SPINK8: variants seen among roughly 807,000 people sequenced by gnomAD.
The protein encoded by SPINK8 is serine protease inhibitor Kazal-type 8.
A neutral mutation model predicts 14.4 loss-of-function variants in SPINK8; 12 were observed. The ratio of observed to expected loss-of-function variants is 0.83; its 90% CI spans 0.53 to 1.35. The LOEUF is 1.35. Ranked by LOEUF, SPINK8 falls within the 40% of genes most tolerant of loss-of-function variation. The pLI, the probability that SPINK8 is intolerant of heterozygous loss-of-function variation, is 0.00. For missense variants in SPINK8, 103 were observed against 117.0 expected, an observed-to-expected ratio of 0.88 and a Z score of 0.55; for synonymous variants, 32 against 37.6, an observed-to-expected ratio of 0.85 and a Z score of 0.55.
At chr3:48,326,651 G>T (rs1445216284) in intron 4 of SPINK8, among the ~76,000 whole-genome samples, 7 of 151,706 alleles carry the variant, frequency 4.6e-5, no homozygotes, top group Admixed American at 4.6e-4. Context: ...GCTCATGCCT[G>T]TAATCTCAGC....
At chr3:48,328,550 T>C (rs1015876289) in intron 3 of SPINK8, among the ~76,000 whole-genome samples, 196 bp from the exon 4 acceptor site, 1 of 151,938 alleles carries the variant, frequency 6.6e-6, no homozygotes, top group Admixed American at 6.5e-5. Context: ...GAAAAAAAAA[T>C]CTTAAAAACA....
At chr3:48,327,544 G>A (rs11130164) in intron 4 of SPINK8, among the ~76,000 whole-genome samples, 32,777 of 152,136 alleles carry the variant, frequency 0.22, 4,352 homozygotes, top group South Asian at 0.3. Flanking sequence ...GGAGGCTGAT[G>A]CCAATGGCTG....
intron 3 of SPINK8, among the ~76,000 whole-genome samples, chr3:48,328,747 G>T (rs1186696444): frequency 6.6e-6 from 1 of 152,110 alleles, no homozygotes; most frequent in Non-Finnish European, 1.5e-5. Context: ...GACCAGCCTG[G>T]GCAACATAGC....
intron 5 of SPINK8, among the ~76,000 whole-genome samples, chr3:48,320,543 G>A (rs144816949): frequency 2.8e-4 from 42 of 150,854 alleles, no homozygotes; most frequent in Non-Finnish European, 5.2e-4. Context: ...GCAAGACTCC[G>A]TCTCAAAAAA....
intron 3 of SPINK8, among the ~76,000 whole-genome samples, chr3:48,328,573 A>G (rs1406683418): frequency 6.6e-6 from 1 of 152,258 alleles, no homozygotes; most frequent in Non-Finnish European, 1.5e-5. Flanking sequence ...ATTTTAGAAG[A>G]TGCCAGAAAA....
rs2035899678 is a variant in SPINK8, at chr3:48,309,816, A to G, written c.282+88T>C. ...TTATGTATGTTTGAAAATGTTCATA[A>G]CAAAACATTTAAAACCCTCTAAAAC... On this transcript the variant is annotated intron_variant, in intron 7 of 7. Transcript: ENST00000434006. 1.2e-5 allele frequency: 17 copies of G among 1,368,446 alleles called. No individual in the cohort carries two copies. The South Asian group carries it at 2.7e-4, about 22-fold the overall frequency. 84.8% of individuals were successfully genotyped at this position (1,368,446 alleles called of 1,614,324 possible). A position where few individuals can be genotyped will look rare whatever the true frequency, so the allele number is the denominator to read the frequency against.
chr3:48,311,344 C>T (rs1314377240), intron 6 of SPINK8, among the ~76,000 whole-genome samples: 1 of 152,062 alleles, frequency 6.6e-6, no homozygotes, highest in Non-Finnish European at 1.5e-5. Context: ...GACATGAATA[C>T]CTGCTTTCAC....
chr3:48,319,331 T>C (rs960754841), intron 6 of SPINK8, among the ~76,000 whole-genome samples, 166 bp downstream of exon 6: 1 of 152,194 alleles, frequency 6.6e-6, no homozygotes, highest in African/African-American at 2.4e-5. Flanking sequence ...ATGTACCTTT[T>C]GAGGTCACAG....
chr3:48,310,495 AATTTT>A (rs2035911078), intron 6 of SPINK8, among the ~76,000 whole-genome samples: 3 of 147,288 alleles, frequency 2.0e-5, no homozygotes, highest in Non-Finnish European at 4.5e-5. Flanking sequence ...CCAAAAAAAA[AATTTT>A]TTTTTTTTTT....
intron 6 of SPINK8, among the ~76,000 whole-genome samples, chr3:48,315,720 CAAAAAAAAAAA>C (rs66504818): frequency 1.4e-4 from 3 of 21,940 alleles, no homozygotes; most frequent in Non-Finnish European, 2.9e-4. Flanking sequence ...GACTCCATCT[CAAAAAAAAAAA>C]AAAAAAAAAA....
intron 4 of SPINK8, among the ~76,000 whole-genome samples, chr3:48,326,916 A>C (rs1423318895): frequency 1.3e-5 from 2 of 152,144 alleles, no homozygotes; most frequent in African/African-American, 4.8e-5. Context: ...CTCAAAAAAA[A>C]AAAAAAGTGT....
chr3:48,329,427 A>C (rs756742511), intron 2 of SPINK8, among the ~76,000 whole-genome samples, 153 bp from the exon 3 acceptor site: 1 of 152,228 alleles, frequency 6.6e-6, no homozygotes, highest in African/African-American at 2.4e-5. Flanking sequence ...CTACTCCCAA[A>C]TCTAGCTGTT....
intron 6 of SPINK8, among the ~76,000 whole-genome samples, chr3:48,310,612 C>G (rs1052415315): frequency 6.6e-6 from 1 of 151,936 alleles, no homozygotes; most frequent in Admixed American, 6.6e-5. Flanking sequence ...ATTCTCCTGC[C>G]TCAGCCTTCC....
intron 2 of SPINK8, among the ~76,000 whole-genome samples, chr3:48,330,824 A>G (rs2036246967): frequency 6.6e-6 from 1 of 151,608 alleles, no homozygotes; most frequent in South Asian, 2.1e-4. Flanking sequence ...TAGTCAGCCT[A>G]AGAAATCCAG....
chr3:48,321,211 G>T, intron 4 of SPINK8, 137 bp from the exon 5 acceptor site: 2 of 720,900 alleles, frequency 2.8e-6, no homozygotes, highest in Non-Finnish European at 4.4e-6. Context: ...CCTCTTTGAT[G>T]CAAGCTGCCC....
At chr3:48,326,717 T>C (rs1262715849) in intron 4 of SPINK8, among the ~76,000 whole-genome samples, 3 of 152,104 alleles carry the variant, frequency 2.0e-5, no homozygotes, top group African/African-American at 7.2e-5. Context: ...GAGACCACCC[T>C]GGCCAACATA....
intron 6 of SPINK8, among the ~76,000 whole-genome samples, chr3:48,311,990 C>T (rs948787886): frequency 6.6e-6 from 1 of 152,124 alleles, no homozygotes; most frequent in Non-Finnish European, 1.5e-5. Context: ...CAAAAACTTA[C>T]TATAACACTA....
chr3:48,316,363 A>G (rs528818902), intron 6 of SPINK8: 1 of 156,044 alleles, frequency 6.4e-6, no homozygotes, highest in Non-Finnish European at 1.5e-5. Context: ...TCACATGTAA[A>G]TGATCCTCAT....
At chr3:48,312,716 G>T (rs1264629039) in intron 6 of SPINK8, among the ~76,000 whole-genome samples, 5 of 151,572 alleles carry the variant, frequency 3.3e-5, no homozygotes, top group Non-Finnish European at 7.4e-5. Context: ...TGGATCAATG[G>T]GGCCGGGCGT....
Sources: gnomAD v4.1 joint callset for allele counts (sites outside exome capture counted in the v4.1 genomes callset) on GRCh38, gnomAD v4.1.1 for gene constraint, MANE v1.5 for transcripts, NCBI Gene and HGNC (gene_info 2026-07-23, HGNC 2026-07-21) for gene names.